TMEM132D: variants seen among roughly 807,000 people sequenced by gnomAD.
The protein encoded by TMEM132D is mature OL transmembrane protein.
In TMEM132D, 21 loss-of-function variants were observed where a neutral mutation model predicts 62.3. The observed-to-expected ratio is 0.34, with a 90% CI of 0.24 to 0.49. The LOEUF is 0.49. TMEM132D is among the 20% of genes least tolerant of loss of function. The probability of loss-of-function intolerance (pLI) is 0.99; values close to 1 mark genes in which losing one functional copy is unlikely to be tolerated. For synonymous variants in TMEM132D, 621 were observed against 575.6 expected, an observed-to-expected ratio of 1.08 and a Z score of -1.13; for missense variants, 1,346 against 1,402.8, an observed-to-expected ratio of 0.96 and a Z score of 0.65.
chr12:129,563,501 T>C (rs972116828), intron 2 of TMEM132D, among the ~76,000 whole-genome samples: 11 of 152,036 alleles, frequency 7.2e-5, no homozygotes, highest in African/African-American at 2.7e-4. Context: ...ACACACGGAG[T>C]TGGCAATGTA....
At chr12:129,644,136 T>C (rs1175471553) in intron 2 of TMEM132D, among the ~76,000 whole-genome samples, 2 of 152,238 alleles carry the variant, frequency 1.3e-5, no homozygotes, top group Middle Eastern at 3.4e-3. Context: ...ACCTATGTAC[T>C]TCTTACACAT....
chr12:129,132,409 TAAAC>T (rs1316387155), intron 5 of TMEM132D, among the ~76,000 whole-genome samples: 3 of 152,202 alleles, frequency 2.0e-5, no homozygotes, highest in South Asian at 2.1e-4. Flanking sequence ...GGTTTTGTTG[TAAAC>T]AAACAAAAAA....
chr12:129,813,403 T>C (rs1872247321), intron 1 of TMEM132D, among the ~76,000 whole-genome samples: 1 of 151,676 alleles, frequency 6.6e-6, no homozygotes, highest in Admixed American at 6.6e-5. Flanking sequence ...TAAAATCTAA[T>C]GTATTCCTGC....
chr12:129,312,510 C>T (rs1023078870), intron 4 of TMEM132D, among the ~76,000 whole-genome samples: 1 of 152,132 alleles, frequency 6.6e-6, no homozygotes, highest in East Asian at 1.9e-4. Flanking sequence ...CATCTGAAAA[C>T]ATTTTTGTAC....
chr12:129,828,514 C>A (rs924081602), intron 1 of TMEM132D, among the ~76,000 whole-genome samples: 2 of 151,034 alleles, frequency 1.3e-5, no homozygotes, highest in Admixed American at 1.3e-4. Context: ...ACAACCATTA[C>A]CTATTACGTT....
At chr12:129,316,793 G>A (rs1413776683) in intron 4 of TMEM132D, among the ~76,000 whole-genome samples, 1 of 146,698 alleles carries the variant, frequency 6.8e-6, no homozygotes, top group African/African-American at 2.4e-5. Flanking sequence ...CATTTCTTAG[G>A]TCTATTAGTA....
intron 2 of TMEM132D, among the ~76,000 whole-genome samples, chr12:129,568,594 G>C (rs920129225): frequency 1.3e-5 from 2 of 152,206 alleles, no homozygotes; most frequent in Admixed American, 6.5e-5. Context: ...AATCTGTGGA[G>C]AGGCAGTTCA....
intron 2 of TMEM132D, among the ~76,000 whole-genome samples, chr12:129,659,771 C>G (rs112329756): frequency 2.6e-5 from 4 of 152,258 alleles, no homozygotes; most frequent in African/African-American, 9.6e-5. Context: ...TATAATCTAG[C>G]TCTAAAAAAT....
intron 1 of TMEM132D, among the ~76,000 whole-genome samples, chr12:129,762,135 T>C (rs188648927): frequency 3.9e-5 from 6 of 152,296 alleles, no homozygotes; most frequent in African/African-American, 1.4e-4. Flanking sequence ...CTGTTCCTGA[T>C]GCCAAAAGAG....
At chr12:129,794,217 T>TA (rs1871490288) in intron 1 of TMEM132D, among the ~76,000 whole-genome samples, 1 of 150,544 alleles carries the variant, frequency 6.6e-6, no homozygotes, top group Non-Finnish European at 1.5e-5. Flanking sequence ...GTCTCTGGAG[T>TA]AGCTGAGATC....
intron 3 of TMEM132D, among the ~76,000 whole-genome samples, chr12:129,357,373 AGGAG>A (rs1033098578): frequency 3.4e-5 from 5 of 148,408 alleles, no homozygotes; most frequent in Non-Finnish European, 6.0e-5. Flanking sequence ...AGAGAAAGGA[AGGAG>A]GGAGGGAGGG....
chr12:129,817,209 A>G (rs1211458643), intron 1 of TMEM132D, among the ~76,000 whole-genome samples: 3 of 152,210 alleles, frequency 2.0e-5, no homozygotes, highest in Admixed American at 6.5e-5. Context: ...GCAAGCATTC[A>G]TGCACTTAGT....
intron 2 of TMEM132D, among the ~76,000 whole-genome samples, chr12:129,615,600 A>G (rs1593090023): frequency 1.3e-5 from 2 of 149,006 alleles, no homozygotes; most frequent in Admixed American, 1.3e-4. Flanking sequence ...AAAAAAAAAA[A>G]GAACAAAAAA....
intron 5 of TMEM132D, among the ~76,000 whole-genome samples, chr12:129,177,582 A>AC (rs974004447): frequency 6.6e-6 from 1 of 151,964 alleles, no homozygotes; most frequent in African/African-American, 2.4e-5. Flanking sequence ...ACATAGTGAG[A>AC]CCCCATCTCT....
In TMEM132D at chr12:129,851,194, A is replaced by G. The variant is rs1233243882; in HGVS notation, c.79+52067T>C. ...AAAACTGACTTCTAGAAAGTTCATC[A>G]GCATCTAATTTGCGTATACAGCTAA... On this transcript the variant is annotated intron_variant, in intron 1 of 8. Coordinates refer to ENST00000422113, the MANE Select transcript of TMEM132D (RefSeq NM_133448.3). Among the ~76,000 whole-genome samples, 4 of 152,254 alleles carry G rather than the reference A, an allele frequency of 2.6e-5. No homozygotes were observed. The South Asian group carries it at 6.2e-4, about 24-fold the overall frequency.
At chr12:129,293,824 C>T (rs774828553) in intron 4 of TMEM132D, among the ~76,000 whole-genome samples, 21 of 152,120 alleles carry the variant, frequency 1.4e-4, no homozygotes, top group Admixed American at 4.6e-4. Context: ...GATGAAGCTT[C>T]GCTCGCTTGC....
At chr12:129,232,686 C>T (rs1388040407) in intron 4 of TMEM132D, among the ~76,000 whole-genome samples, 1 of 152,158 alleles carries the variant, frequency 6.6e-6, no homozygotes. Flanking sequence ...AAAGATACTA[C>T]CCGAAACTGG....
At chr12:129,578,371 G>T (rs1877737133) in intron 2 of TMEM132D, among the ~76,000 whole-genome samples, 1 of 150,650 alleles carries the variant, frequency 6.6e-6, no homozygotes. Flanking sequence ...ATATCTGATT[G>T]GTTCTGTTTT....
At chr12:129,353,208 G>C (rs1278296168) in intron 3 of TMEM132D, among the ~76,000 whole-genome samples, 2 of 150,062 alleles carry the variant, frequency 1.3e-5, no homozygotes. Context: ...GTTTATCAAA[G>C]CTTAATTATA....
Sources: gnomAD v4.1 joint callset for allele counts (sites outside exome capture counted in the v4.1 genomes callset) on GRCh38, gnomAD v4.1.1 for gene constraint, MANE v1.5 for transcripts, NCBI Gene and HGNC (gene_info 2026-07-23, HGNC 2026-07-21) for gene names.